Variants in TTC27 observed in about 807,000 individuals in gnomAD.
TTC27 encodes tetratricopeptide repeat domain 27.
A neutral mutation model predicts 115.9 loss-of-function variants in TTC27; 79 were observed. That is an observed-to-expected ratio of 0.68 (90% confidence interval 0.57 to 0.82). The LOEUF (loss-of-function observed/expected upper bound fraction) is 0.82. TTC27 is among the 40% of genes least tolerant of loss of function. The pLI is 0.00. For missense variants in TTC27, 1,054 were observed against 993.1 expected, an observed-to-expected ratio of 1.06 and a Z score of -0.82; for synonymous variants, 401 against 356.0, an observed-to-expected ratio of 1.13 and a Z score of -1.42.
intron 10 of TTC27, among the ~76,000 whole-genome samples, chr2:32,715,869 T>TG (rs1289092743): frequency 2.0e-5 from 3 of 151,892 alleles, no homozygotes; most frequent in Non-Finnish European, 4.4e-5. Flanking sequence ...TATGTTTGTT[T>TG]TTTTTTTTTA....
chr2:32,693,365 T>A (rs75874765), intron 9 of TTC27, among the ~76,000 whole-genome samples: 8,756 of 152,252 alleles, frequency 0.058, 309 homozygotes, highest in Middle Eastern at 0.17. Context: ...TTGTTAGAAA[T>A]GGAATTTCTC....
At chr2:32,754,362 C>T (rs1342929243) in intron 12 of TTC27, among the ~76,000 whole-genome samples, 1 of 148,158 alleles carries the variant, frequency 6.7e-6, no homozygotes, top group African/African-American at 2.5e-5. Flanking sequence ...GAGCATGCTG[C>T]CTTCAAGCTT....
chr2:32,707,093 C>T (rs1389720323), intron 10 of TTC27, among the ~76,000 whole-genome samples: 3 of 152,282 alleles, frequency 2.0e-5, no homozygotes, highest in Middle Eastern at 6.8e-3. Flanking sequence ...CCAGCTTAGA[C>T]CAGAAATGTT....
chr2:32,695,238 C>G (rs1666943836), intron 9 of TTC27, among the ~76,000 whole-genome samples: 1 of 152,046 alleles, frequency 6.6e-6, no homozygotes, highest in African/African-American at 2.4e-5. Context: ...CTTTCTAGCC[C>G]TATGAGTTTG....
At position 32,749,485 on chromosome 2, in the gene TTC27, A is replaced by G. The variant is rs1165946394; in HGVS notation, c.1453-8807A>G. ...AAATGCCATGAAGCTTGCTCTTCTTACCAAGATTTAGCATTTCTCTTGAAT... is the reference window on the plus strand; with the variant it reads ...AAATGCCATGAAGCTTGCTCTTCTTGCCAAGATTTAGCATTTCTCTTGAAT... On this transcript the variant is annotated intron_variant, in intron 12 of 19. Transcript: ENST00000317907. Among the ~76,000 whole-genome samples, 3 of 152,232 alleles carry G rather than the reference A, an allele frequency of 2.0e-5. No homozygotes were observed. The East Asian group carries it at 5.8e-4, about 29-fold the overall frequency.
chr2:32,755,112 G>C (rs982084665), intron 12 of TTC27, among the ~76,000 whole-genome samples: 3 of 151,934 alleles, frequency 2.0e-5, no homozygotes, highest in African/African-American at 7.3e-5. Context: ...ATGGCGGGCG[G>C]GCAGAGATGC....
intron 11 of TTC27, 78 bp from the exon 12 acceptor site, chr2:32,736,616 A>AT: frequency 6.4e-7 from 1 of 1,551,968 alleles, no homozygotes; most frequent in South Asian, 1.1e-5. Flanking sequence ...AAAAAGGCAG[A>AT]TTAGGTACAC....
At chr2:32,652,815 T>A (rs1439342653) in intron 5 of TTC27, among the ~76,000 whole-genome samples, 1 of 152,232 alleles carries the variant, frequency 6.6e-6, no homozygotes, top group Non-Finnish European at 1.5e-5. Context: ...TTTGAAATGT[T>A]GCCCTTGAAG....
At chr2:32,789,312 C>G (rs528906417) in intron 16 of TTC27, among the ~76,000 whole-genome samples, 7 of 152,262 alleles carry the variant, frequency 4.6e-5, no homozygotes, top group Non-Finnish European at 8.8e-5. Flanking sequence ...AAGAATGTTA[C>G]TTAAATTTCT....
intron 16 of TTC27, among the ~76,000 whole-genome samples, chr2:32,791,210 A>T (rs1452816873): frequency 6.6e-6 from 1 of 152,180 alleles, no homozygotes; most frequent in Non-Finnish European, 1.5e-5. Flanking sequence ...TTGCAGACGA[A>T]TCCTCATATA....
At chr2:32,797,675 G>T (rs1208816966) in intron 16 of TTC27, among the ~76,000 whole-genome samples, 1 of 152,028 alleles carries the variant, frequency 6.6e-6, no homozygotes, top group African/African-American at 2.4e-5. Flanking sequence ...TAAACATAGG[G>T]CAAGAACTTT....
intron 16 of TTC27, among the ~76,000 whole-genome samples, chr2:32,801,567 T>C (rs1670940027): frequency 6.6e-6 from 1 of 152,222 alleles, no homozygotes; most frequent in Non-Finnish European, 1.5e-5. Flanking sequence ...ATTCTGAGGT[T>C]CTGGGTGCAC....
intron 13 of TTC27, among the ~76,000 whole-genome samples, chr2:32,775,433 C>T (rs181916687): frequency 1.6e-3 from 249 of 152,230 alleles, no homozygotes; most frequent in Non-Finnish European, 4.0e-4. Context: ...CTCCTGACCT[C>T]GTGATCCACC....
chr2:32,656,111 A>T (rs1315043797), intron 5 of TTC27, among the ~76,000 whole-genome samples: 1 of 151,928 alleles, frequency 6.6e-6, no homozygotes, highest in East Asian at 1.9e-4. Flanking sequence ...TTTTTTAATG[A>T]GGAAATTTTT....
intron 13 of TTC27, 73 bp from the exon 14 acceptor site, chr2:32,777,809 C>T (rs1670046822): frequency 7.0e-7 from 1 of 1,429,756 alleles, no homozygotes; most frequent in Non-Finnish European, 9.8e-7. Context: ...TTGATAGCAT[C>T]TTAATAATTT....
intron 13 of TTC27, among the ~76,000 whole-genome samples, chr2:32,759,610 A>G (rs1252853062): frequency 3.3e-5 from 5 of 152,192 alleles, no homozygotes; most frequent in Admixed American, 2.6e-4. Context: ...AAATAAAATT[A>G]AATGAAAGTA....
At position 32,702,892 on chromosome 2, in the gene TTC27, G is replaced by T; in HGVS notation, c.1205G>T (p.Arg402Leu). ...AAACTTGAGAAAGGAAGTACTCGCCGAGTGGAACGGGCAATGAGGCAGACA... is the reference window on the plus strand; with the variant it reads ...AAACTTGAGAAAGGAAGTACTCGCCTAGTGGAACGGGCAATGAGGCAGACA... The part of the protein sequence containing the change: ...RTKLEKGSTR[R>L]VERAMRQTQA... The change falls in exon 10 of 20, where the codon CGA becomes CTA. Residue 402 changes from arginine to leucine, a missense_variant. Coordinates refer to ENST00000317907, the MANE Select transcript of TTC27 (RefSeq NM_017735.5). 6.2e-7 allele frequency: 1 copy of T among 1,613,978 alleles called. No homozygotes were observed. The highest frequency in any genetic ancestry group is 8.5e-7 in the Non-Finnish European group (1 of 1,179,942).
chr2:32,712,504 C>T (rs181293284), intron 10 of TTC27, among the ~76,000 whole-genome samples: 1 of 152,098 alleles, frequency 6.6e-6, no homozygotes, highest in African/African-American at 2.4e-5. Flanking sequence ...AAATAGTGTT[C>T]TCTATCGTCA....
chr2:32,804,025 GA>G (rs1465306528), intron 16 of TTC27, among the ~76,000 whole-genome samples: 7 of 139,542 alleles, frequency 5.0e-5, no homozygotes, highest in African/African-American at 1.9e-4. Context: ...AAAAAAAAAA[GA>G]AAAAAATGCA....
Sources: allele counts gnomAD v4.1 joint callset (sites outside exome capture counted in the v4.1 genomes callset), GRCh38; gene constraint gnomAD v4.1.1; transcripts MANE v1.5; gene names NCBI Gene and HGNC (gene_info 2026-07-23, HGNC 2026-07-21).